The following ROBO1 variants were observed in gnomAD, a reference collection of about 807,000 sequenced individuals.
ROBO1 encodes roundabout guidance receptor 1.
A neutral mutation model predicts 195.9 loss-of-function variants in ROBO1; 149 were observed. That is an observed-to-expected ratio of 0.76 (90% confidence interval 0.67 to 0.87). The LOEUF is 0.87. Among genes scored for constraint, ROBO1 ranks in the 40% least tolerant of loss-of-function variants. The pLI is 0.00. For missense variants in ROBO1, 1,933 were observed against 2,068.3 expected, an observed-to-expected ratio of 0.93 and a Z score of 1.27; for synonymous variants, 816 against 733.2, an observed-to-expected ratio of 1.11 and a Z score of -1.82.
At chr3:79,438,019 T>C (rs1019726983) in intron 2 of ROBO1, among the ~76,000 whole-genome samples, 10 of 151,922 alleles carry the variant, frequency 6.6e-5, no homozygotes, top group African/African-American at 1.7e-4. Context: ...TTTTTTTCTT[T>C]CCAACCTTTA....
chr3:79,642,887 G>T (rs990139833), intron 1 of ROBO1, among the ~76,000 whole-genome samples: 1 of 152,134 alleles, frequency 6.6e-6, no homozygotes, highest in Non-Finnish European at 1.5e-5. Flanking sequence ...TGTAAGTATG[G>T]TATACAATAC....
At chr3:78,920,570 G>T (rs1266616879) in intron 4 of ROBO1, among the ~76,000 whole-genome samples, 2 of 149,282 alleles carry the variant, frequency 1.3e-5, no homozygotes, top group African/African-American at 5.0e-5. Flanking sequence ...CTCCCAAAGT[G>T]CTGGGATTAC....
At chr3:79,729,321 G>A (rs750399790) in intron 1 of ROBO1, among the ~76,000 whole-genome samples, 3 of 152,094 alleles carry the variant, frequency 2.0e-5, no homozygotes, top group Non-Finnish European at 4.4e-5. Context: ...TCTGGCTGAG[G>A]GAAAGTTAGA....
At chr3:78,676,988 C>A (rs1384709111) in intron 10 of ROBO1, among the ~76,000 whole-genome samples, 1 of 151,950 alleles carries the variant, frequency 6.6e-6, no homozygotes, top group Admixed American at 6.6e-5. Context: ...CGGCAGAAAC[C>A]CTACAAGCCA....
chr3:79,584,845 G>A (rs1016689582), intron 2 of ROBO1, among the ~76,000 whole-genome samples: 2 of 151,554 alleles, frequency 1.3e-5, no homozygotes, highest in Non-Finnish European at 2.9e-5. Flanking sequence ...ATGGGGTATA[G>A]GAAACACAGC....
At position 78,999,175 on chromosome 3, in the gene ROBO1, C is replaced by T. The variant is rs2077437460; in HGVS notation, c.173-60248G>A. Among the ~76,000 whole-genome samples the T allele has an allele frequency of 2.0e-5, 3 of 152,092 alleles. 1 individual carries two copies. The South Asian group carries it at 6.2e-4, about 32-fold the overall frequency. On this transcript the variant is annotated intron_variant, in intron 3 of 30. Coordinates refer to ENST00000464233, the MANE Select transcript of ROBO1 (RefSeq NM_002941.4). Reference sequence around the variant, plus strand: ...AAAAGTTTGGAGATTTTTCAAAGAACTTAGAACAGAACTACTATTCAAGCC... The same window carrying T: ...AAAAGTTTGGAGATTTTTCAAAGAATTTAGAACAGAACTACTATTCAAGCC...
chr3:78,859,839 G>C (rs2034680212), intron 4 of ROBO1, among the ~76,000 whole-genome samples: 1 of 152,130 alleles, frequency 6.6e-6, no homozygotes, highest in East Asian at 1.9e-4. Context: ...CCAGCACTTT[G>C]GGAGGCCAAG....
intron 1 of ROBO1, among the ~76,000 whole-genome samples, chr3:79,662,910 A>G (rs1348153460): frequency 6.6e-6 from 1 of 152,066 alleles, no homozygotes; most frequent in Non-Finnish European, 1.5e-5. Context: ...CTTTTGACAG[A>G]ACTGCAAGAT....
chr3:79,408,949 T>G (rs2037662672), intron 2 of ROBO1, among the ~76,000 whole-genome samples: 1 of 152,152 alleles, frequency 6.6e-6, no homozygotes, highest in Admixed American at 6.5e-5. Context: ...GAAGTGTCCA[T>G]TTATTCAAGA....
At chr3:79,034,056 T>A (rs777533205) in intron 3 of ROBO1, among the ~76,000 whole-genome samples, 5 of 152,156 alleles carry the variant, frequency 3.3e-5, no homozygotes, top group Non-Finnish European at 7.4e-5. Context: ...CTGATCTAGA[T>A]TGTATTCACA....
At chr3:79,239,986 G>A (rs920031341) in intron 2 of ROBO1, among the ~76,000 whole-genome samples, 4 of 152,050 alleles carry the variant, frequency 2.6e-5, no homozygotes, top group Non-Finnish European at 5.9e-5. Context: ...TATATATTGT[G>A]GGGTGACCGA....
intron 3 of ROBO1, among the ~76,000 whole-genome samples, chr3:78,993,973 T>C (rs2077298247): frequency 6.6e-6 from 1 of 151,920 alleles, no homozygotes; most frequent in Non-Finnish European, 1.5e-5. Flanking sequence ...AATGGTTATT[T>C]TACTAGATAC....
intron 18 of ROBO1, among the ~76,000 whole-genome samples, chr3:78,652,478 T>C (rs1184382607): frequency 6.6e-6 from 1 of 152,150 alleles, no homozygotes; most frequent in Admixed American, 6.5e-5. Flanking sequence ...TGTGTGTGTG[T>C]ACCCCGACAC....
intron 1 of ROBO1, among the ~76,000 whole-genome samples, chr3:79,677,377 T>C (rs1399016200): frequency 1.3e-5 from 2 of 151,894 alleles, no homozygotes; most frequent in Non-Finnish European, 2.9e-5. Flanking sequence ...ACTCATAGTT[T>C]CACGTGGCTG....
At chr3:79,144,654 C>A (rs544837025) in intron 2 of ROBO1, among the ~76,000 whole-genome samples, 3 of 151,972 alleles carry the variant, frequency 2.0e-5, no homozygotes, top group African/African-American at 7.2e-5. Flanking sequence ...GTTTTATAGG[C>A]TTTTTAACAT....
At chr3:79,556,229 A>G (rs1337782969) in intron 2 of ROBO1, among the ~76,000 whole-genome samples, 5 of 152,156 alleles carry the variant, frequency 3.3e-5, no homozygotes, top group African/African-American at 1.2e-4. Flanking sequence ...TTTGTAAGAT[A>G]CATTATTTTA....
At chr3:78,921,948 A>C (rs1354484017) in intron 4 of ROBO1, among the ~76,000 whole-genome samples, 1 of 152,030 alleles carries the variant, frequency 6.6e-6, no homozygotes, top group South Asian at 2.1e-4. Context: ...CACCATGCCC[A>C]GCTATTTTTT....
chr3:78,836,512 C>CAAA (rs370559968), intron 4 of ROBO1, among the ~76,000 whole-genome samples: 1 of 122,392 alleles, frequency 8.2e-6, no homozygotes, highest in African/African-American at 3.3e-5. Context: ...ACTCTGTCTC[C>CAAA]AAAAAAAAAA....
chr3:79,732,410 G>A (rs1703192371), intron 1 of ROBO1, among the ~76,000 whole-genome samples: 1 of 151,948 alleles, frequency 6.6e-6, no homozygotes, highest in African/African-American at 2.4e-5. Flanking sequence ...TTTATGATAA[G>A]GAAATAGAAT....
Sources: gnomAD v4.1 joint callset for allele counts (sites outside exome capture counted in the v4.1 genomes callset) on GRCh38, gnomAD v4.1.1 for gene constraint, MANE v1.5 for transcripts, NCBI Gene and HGNC (gene_info 2026-07-23, HGNC 2026-07-21) for gene names.